FBXL5: variants seen among roughly 807,000 people sequenced by gnomAD.
FBXL5 encodes the protein F-box and leucine rich repeat protein 5, also known as F-box/LRR-repeat protein 5.
Under a neutral mutation model 78.3 loss-of-function variants are expected in FBXL5, and 26 were observed. That is an observed-to-expected ratio of 0.33 (90% CI 0.24 to 0.46). FBXL5 has a LOEUF of 0.46. Among genes scored for constraint, FBXL5 ranks in the 20% least tolerant of loss-of-function variants. FBXL5 has a pLI of 1.00. For missense variants in FBXL5, 710 were observed against 829.2 expected (o/e 0.86, Z 1.77); for synonymous variants, 295 against 282.5 (o/e 1.04, Z -0.45).
upstream of FBXL5, among the ~76,000 whole-genome samples, chr4:15,661,108 G>A (rs1239860802): frequency 3.9e-5 from 6 of 151,960 alleles, no homozygotes; most frequent in South Asian, 2.1e-4. Flanking sequence ...AACCTTTAAC[G>A]AATCATTATT....
At chr4:15,673,177 C>T (rs778281238) in intron 1 of FBXL5, among the ~76,000 whole-genome samples, 1 of 152,264 alleles carries the variant, frequency 6.6e-6, no homozygotes, top group South Asian at 2.1e-4. Flanking sequence ...TGCAATGGCT[C>T]ACACCTGTAA....
chr4:15,679,583 A>C (rs915176382), intron 1 of FBXL5, among the ~76,000 whole-genome samples: 2 of 151,774 alleles, frequency 1.3e-5, no homozygotes, highest in Non-Finnish European at 2.9e-5. Context: ...AAAAACAAAA[A>C]AACAAAAAAC....
intron 1 of FBXL5, among the ~76,000 whole-genome samples, chr4:15,646,377 T>A (rs1172209414): frequency 6.6e-6 from 1 of 151,316 alleles, no homozygotes; most frequent in Non-Finnish European, 1.5e-5. Flanking sequence ...GATTTTTTTT[T>A]AAATCATAAG....
chr4:15,643,708 C>G (rs998443253), intron 2 of FBXL5, among the ~76,000 whole-genome samples: 1 of 152,176 alleles, frequency 6.6e-6, no homozygotes, highest in Non-Finnish European at 1.5e-5. Context: ...CACACTGCAC[C>G]TGGCTGGTAT....
chr4:15,604,754 T>C lies in FBXL5; in HGVS notation c.*969A>G, dbSNP rs1266330529. 1 of 152,240 alleles carries C rather than the reference T, an allele frequency of 6.6e-6. No homozygotes were observed. Among genetic ancestry groups the C allele is most frequent in the African/African-American group, 2.4e-5 (1 of 41,468 alleles). The allele number at this position is 152,240 out of a possible 1,614,324, so 9.4% of individuals were successfully genotyped here. On this transcript the variant is annotated 3_prime_UTR_variant, in exon 11 of 11. Coordinates refer to ENST00000341285, the MANE Select transcript of FBXL5 (RefSeq NM_012161.4). The stretch of plus-strand genomic sequence containing the variant: ...GTACTAAAAGGCACTAGTATGTGCC[T>C]TTCTGGGTGGCAGGCCTCCACTCTC...
At chr4:15,633,970 G>T (rs971790036) in intron 5 of FBXL5, among the ~76,000 whole-genome samples, 1 of 151,968 alleles carries the variant, frequency 6.6e-6, no homozygotes. Flanking sequence ...GACATTTTGG[G>T]CTGGGTAACT....
At position 15,614,550 on chromosome 4, in the gene FBXL5, G is replaced by A. The variant is rs779106999; in HGVS notation, c.1851-2136C>T. Among the ~76,000 whole-genome samples, 8 of 152,226 alleles carry A rather than the reference G, an allele frequency of 5.3e-5. No individual in the cohort carries two copies. In the South Asian group the frequency reaches 6.2e-4, roughly 12 times the overall value. On this transcript the variant is annotated intron_variant, in intron 9 of 10. Transcript: ENST00000341285. ...AGAGCTCCCAAGAGATTATGTCCTT[G>A]GTCTTTGGCTACCAGGGTGGGTAAA...
intron 5 of FBXL5, among the ~76,000 whole-genome samples, chr4:15,634,943 T>G (rs1429193281): frequency 6.6e-6 from 1 of 152,070 alleles, no homozygotes; most frequent in Non-Finnish European, 1.5e-5. Context: ...ACAGAAAAAA[T>G]TATCCCACAT....
intron 1 of FBXL5, among the ~76,000 whole-genome samples, chr4:15,665,647 G>A (rs1475501497): frequency 1.3e-5 from 2 of 151,958 alleles, no homozygotes; most frequent in African/African-American, 2.4e-5. Context: ...CTAGAGCCCC[G>A]ACATGTTTTT....
At chr4:15,681,092 A>G (rs1305009600) in intron 1 of FBXL5, among the ~76,000 whole-genome samples, 1 of 151,992 alleles carries the variant, frequency 6.6e-6, no homozygotes, top group Non-Finnish European at 1.5e-5. Flanking sequence ...ACAGAAATAT[A>G]CATACATATT....
At position 15,653,737 on chromosome 4, in the gene FBXL5, A is replaced by G. The variant is rs182567902; in HGVS notation, c.84+1467T>C. Among the ~76,000 whole-genome samples the G allele has an allele frequency of 6.2e-4, 94 of 152,308 alleles. No individual in the cohort carries two copies. In the Middle Eastern group the frequency reaches 0.014, roughly 22 times the overall value. On this transcript the variant is annotated intron_variant, in intron 1 of 10. Transcript: ENST00000341285. ...AAAAACACTATAATACTGCTAAGTAAAAAATTCAGGGATATACCCTCTTGC... is the reference window on the plus strand; with the variant it reads ...AAAAACACTATAATACTGCTAAGTAGAAAATTCAGGGATATACCCTCTTGC...
At chr4:15,656,031 C>A (rs1264573403), upstream of FBXL5, among the ~76,000 whole-genome samples, 1 of 152,166 alleles carries the variant, frequency 6.6e-6, no homozygotes, top group Non-Finnish European at 1.5e-5. Context: ...TCGGGAGACT[C>A]AACGTGGGGG....
At chr4:15,667,167 G>C (rs1297721485) in intron 1 of FBXL5, among the ~76,000 whole-genome samples, 1 of 152,164 alleles carries the variant, frequency 6.6e-6, no homozygotes, top group African/African-American at 2.4e-5. Context: ...AAGGGCACCT[G>C]AATACACGTC....
chr4:15,640,892 CAAA>C lies in FBXL5; in HGVS notation c.301-12_301-10del. Reference sequence around the variant, plus strand: ...AACTGTTCATATTCATTCTGGAAACCAAAAAAAAAATACATTTTTATAAAAGTT... The same window carrying C: ...AACTGTTCATATTCATTCTGGAAACCAAAAAAATACATTTTTATAAAAGTT... On this transcript the variant is annotated splice_polypyrimidine_tract_variant and intron_variant, in intron 2 of 10. Coordinates refer to ENST00000341285, the MANE Select transcript of FBXL5 (RefSeq NM_012161.4). The C allele has an allele frequency of 4.9e-6, 6 of 1,213,932 alleles. No individual in the cohort carries two copies. The highest frequency in any genetic ancestry group is 6.6e-6 in the Non-Finnish European group (6 of 912,740). The allele number at this position is 1,213,932 out of a possible 1,614,324, so 75.2% of individuals were successfully genotyped here.
At chr4:15,678,244 A>G (rs1293261064) in intron 1 of FBXL5, among the ~76,000 whole-genome samples, 2 of 152,150 alleles carry the variant, frequency 1.3e-5, no homozygotes, top group Non-Finnish European at 2.9e-5. Context: ...CTCATTTGCA[A>G]TTTTATCTTT....
chr4:15,662,534 A>T (rs139103428), upstream of FBXL5, among the ~76,000 whole-genome samples: 10 of 152,342 alleles, frequency 6.6e-5, no homozygotes, highest in African/African-American at 2.2e-4. Flanking sequence ...CTATCCCAAG[A>T]GATCATCAGA....
At chr4:15,609,505 C>T (rs1708855852) in intron 10 of FBXL5, among the ~76,000 whole-genome samples, 1 of 151,956 alleles carries the variant, frequency 6.6e-6, no homozygotes, top group Non-Finnish European at 1.5e-5. Context: ...CATAAAAGAG[C>T]ACATCATCTG....
chr4:15,612,550 G>T, intron 9 of FBXL5, 136 bp from the exon 10 acceptor site: 1 of 745,062 alleles, frequency 1.3e-6, no homozygotes, highest in Non-Finnish European at 2.1e-6. Flanking sequence ...GTAAAACACT[G>T]ATAACTAACC....
intron 9 of FBXL5, among the ~76,000 whole-genome samples, chr4:15,620,126 T>C (rs1577433574): frequency 6.6e-6 from 1 of 152,094 alleles, no homozygotes; most frequent in South Asian, 2.1e-4. Flanking sequence ...CAACACTCAG[T>C]TGCATTTCTA....
Sources: allele counts gnomAD v4.1 joint callset (sites outside exome capture counted in the v4.1 genomes callset), GRCh38; gene constraint gnomAD v4.1.1; transcripts MANE v1.5; gene names NCBI Gene and HGNC (gene_info 2026-07-23, HGNC 2026-07-21).